The following ABCA6 variants were observed in gnomAD, a reference collection of about 807,000 sequenced individuals.
The protein encoded by ABCA6 is ATP-binding cassette sub-family A member 6.
In ABCA6, 164 loss-of-function variants were observed where a neutral mutation model predicts 191.2. That is an observed-to-expected ratio of 0.86 (90% CI 0.76 to 0.98). The LOEUF (loss-of-function observed/expected upper bound fraction) is 0.98, where lower values mean the gene tolerates loss of function less well. Ranked by LOEUF, ABCA6 falls within the 50% of genes least tolerant of loss-of-function variation. The pLI, the probability that ABCA6 is intolerant of heterozygous loss-of-function variation, is 0.00. For missense variants in ABCA6, 1,958 were observed against 1,894.1 expected, an observed-to-expected ratio of 1.03 and a Z score of -0.63; for synonymous variants, 636 against 647.7, an observed-to-expected ratio of 0.98 and a Z score of 0.27.
At chr17:69,132,226 A>G (rs1223529736) in intron 6 of ABCA6, among the ~76,000 whole-genome samples, 1 of 152,140 alleles carries the variant, frequency 6.6e-6, no homozygotes, top group Non-Finnish European at 1.5e-5. Context: ...AAAACCATAA[A>G]GAGTATTTGC....
intron 6 of ABCA6, among the ~76,000 whole-genome samples, chr17:69,132,470 G>A (rs1248302208): frequency 6.6e-6 from 1 of 151,874 alleles, no homozygotes; most frequent in Non-Finnish European, 1.5e-5. Context: ...GTTTTTGTTT[G>A]TTTGGTTTTG....
At chr17:69,084,545 A>G in intron 32 of ABCA6, 38 bp from the exon 33 acceptor site, 1 of 1,603,484 alleles carries the variant, frequency 6.2e-7, no homozygotes, top group Non-Finnish European at 8.5e-7. Context: ...GGTCAAGACA[A>G]GGTTTTTGGA....
chr17:69,114,967 C>G (rs1177797982), intron 12 of ABCA6, 30 bp from the exon 13 acceptor site: 1 of 1,480,788 alleles, frequency 6.8e-7, no homozygotes, highest in East Asian at 2.3e-5. Context: ...ATAAAATTGG[C>G]AAGATAATAC....
chr17:69,092,300 T>C (rs1750066633), intron 25 of ABCA6, among the ~76,000 whole-genome samples: 1 of 152,228 alleles, frequency 6.6e-6, no homozygotes, highest in African/African-American at 2.4e-5. Flanking sequence ...GTTTTAATAA[T>C]CTAGCATGAA....
At chr17:69,124,611 A>T (rs1176433526) in intron 9 of ABCA6, among the ~76,000 whole-genome samples, 1 of 151,918 alleles carries the variant, frequency 6.6e-6, no homozygotes, top group Non-Finnish European at 1.5e-5. Context: ...GGGATCCATG[A>T]AAACCTAACA....
At position 69,134,744 on chromosome 17, in the gene ABCA6, T is replaced by C; in HGVS notation, c.461-2A>G. The C allele has an allele frequency of 6.2e-7, 1 of 1,605,646 alleles. No individual in the cohort carries two copies. The highest frequency in any genetic ancestry group is 8.5e-7 in the Non-Finnish European group (1 of 1,173,212). On this transcript the variant is annotated splice_acceptor_variant, in intron 4 of 38. Transcript: ENST00000284425. LOFTEE classifies it high-confidence loss of function. ...CACCATATCCATCCCAGCAATGAGCTGTAAGCACAAAGAAAAGCACAGCCA... is the reference window on the plus strand; with the variant it reads ...CACCATATCCATCCCAGCAATGAGCCGTAAGCACAAAGAAAAGCACAGCCA...
chr17:69,081,161 TGTC>T lies in ABCA6; in HGVS notation c.4617-19_4617-17del. On this transcript the variant is annotated splice_polypyrimidine_tract_variant and intron_variant, in intron 36 of 38. Transcript: ENST00000284425. The stretch of plus-strand genomic sequence containing the variant: ...AGAGGAATACCTGAAAACAGGAAGA[TGTC>T]GTTTTCAGCTCTGAGTTTCAAGGGG... 6.6e-7 allele frequency: 1 copy of T among 1,509,556 alleles called. No individual in the cohort carries two copies. The highest frequency in any genetic ancestry group is 1.2e-5 in the South Asian group (1 of 80,412). 93.5% of individuals were successfully genotyped at this position (1,509,556 alleles called of 1,614,324 possible).
chr17:69,099,966 T>A (rs1252045349), intron 22 of ABCA6, among the ~76,000 whole-genome samples: 1 of 152,208 alleles, frequency 6.6e-6, no homozygotes, highest in East Asian at 1.9e-4. Flanking sequence ...TGCTTCTTGA[T>A]GTTTCAGACT....
rs771243934 is a variant in ABCA6, at chr17:69,106,206, C to T, written c.2395G>A (p.Glu799Lys). 3.9e-5 allele frequency: 62 copies of T among 1,610,212 alleles called. No homozygotes were observed. The highest frequency in any genetic ancestry group is 3.9e-5 in the Non-Finnish European group (46 of 1,178,628). ...EGQSTIEQDF[E>K]QVEMIRDSES... ...GAGTCTCTTATCATCTCCACTTGTT[C>T]GAAATCTATAAACACACACATACAC... The change falls in exon 19 of 39, where the codon GAA (glutamate) becomes AAA (lysine). Residue 799 changes from glutamate to lysine, a missense_variant. By Grantham distance (56) the Glu-to-Lys change is moderately conservative (BLOSUM62 1). Transcript: ENST00000284425.
chr17:69,133,747 G>A lies in ABCA6; in HGVS notation c.685C>T (p.Leu229Phe), dbSNP rs200179122. The A allele has an allele frequency of 3.8e-5, 61 of 1,611,110 alleles. No homozygotes were observed. The African/African-American group carries it at 7.1e-4, about 19-fold the overall frequency. Reference sequence around the variant, plus strand: ...AAATATACAAGTGGGGAGAAATGAAGCAAGAAGAATAAAATAAACATCTCA... The same window carrying A: ...AAATATACAAGTGGGGAGAAATGAAACAAGAAGAATAAAATAAACATCTCA... ...HNEMFILFFLLHFSPLVYFIS... is the reference protein window; with the variant it reads ...HNEMFILFFLFHFSPLVYFIS... The change falls in exon 6 of 39, where the codon CTT becomes TTT. Residue 229 changes from leucine (L) to phenylalanine (F), a missense_variant. Physicochemically the swap from Leu to Phe is conservative, Grantham distance 22. Coordinates refer to ENST00000284425, the MANE Select transcript of ABCA6 (RefSeq NM_080284.3).
At chr17:69,082,744 C>T in intron 36 of ABCA6, 129 bp downstream of exon 36, 1 of 1,375,300 alleles carries the variant, frequency 7.3e-7, no homozygotes, top group Non-Finnish European at 9.9e-7. Flanking sequence ...GAATACTGAA[C>T]AAATCCTTTT....
rs1315985495 is a variant in ABCA6, at chr17:69,086,633, AAG to A, written c.3920_3921del (p.Ser1307PhefsTer7). The A allele has an allele frequency of 2.2e-5, 36 of 1,610,368 alleles. No homozygotes were observed. Among genetic ancestry groups the A allele is most frequent in the Non-Finnish European group, 3.0e-5 (35 of 1,177,230 alleles). On this transcript the variant is annotated frameshift_variant, in exon 30 of 39. Transcript: ENST00000284425. LOFTEE classifies it high-confidence loss of function. Reference sequence around the variant, plus strand: ...TATTACAGACCTTCTTGAACACAGAAAGAGATATTTCTTGCTGCTATTTTCTT... The same window carrying A: ...TATTACAGACCTTCTTGAACACAGAAAGATATTTCTTGCTGCTATTTTCTT... ...RKKKIAARNI[S>X]FCVQEGEILG...
chr17:69,134,024 G>T (rs1316941371), intron 5 of ABCA6, among the ~76,000 whole-genome samples, 157 bp from the exon 6 acceptor site: 3 of 152,040 alleles, frequency 2.0e-5, no homozygotes, highest in Non-Finnish European at 4.4e-5. Context: ...CTGGATGAAG[G>T]GTACATGGAC....
At chr17:69,131,032 A>G (rs12940298) in intron 6 of ABCA6, among the ~76,000 whole-genome samples, 89,747 of 151,964 alleles carry the variant, frequency 0.59, 27,915 homozygotes, top group Admixed American at 0.7. Flanking sequence ...ATCTAACAAG[A>G]CTATAGAGTG....
intron 30 of ABCA6, 132 bp downstream of exon 30, chr17:69,086,486 A>ATATATATATATATAT: frequency 6.2e-6 from 1 of 161,182 alleles, no homozygotes; most frequent in East Asian, 2.2e-4. Context: ...TGGCACACTA[A>ATATATATATATATAT]ATATATATAT....
At chr17:69,116,975 T>G (rs1227975446) in intron 11 of ABCA6, among the ~76,000 whole-genome samples, 1 of 152,086 alleles carries the variant, frequency 6.6e-6, no homozygotes, top group Non-Finnish European at 1.5e-5. Context: ...AGTACAAAGG[T>G]AGTTCAAAAT....
At chr17:69,128,424 A>C (rs560415019) in intron 8 of ABCA6, among the ~76,000 whole-genome samples, 195 bp downstream of exon 8, 1 of 152,134 alleles carries the variant, frequency 6.6e-6, no homozygotes, top group East Asian at 1.9e-4. Context: ...GTAAAATCTG[A>C]AGGATTTTTT....
At chr17:69,086,567 G>A (rs779589447) in intron 30 of ABCA6, 51 bp downstream of exon 30, 22 of 1,215,988 alleles carry the variant, frequency 1.8e-5, no homozygotes, top group South Asian at 3.9e-5. Context: ...ATAGATGTTC[G>A]GTAGGTAGTT....
At chr17:69,086,551 T>A in intron 30 of ABCA6, 67 bp downstream of exon 30, 1 of 902,166 alleles carries the variant, frequency 1.1e-6, no homozygotes, top group Non-Finnish European at 1.7e-6. Context: ...AAACTGTGCC[T>A]ATGACATAGA....
Sources: allele counts gnomAD v4.1 joint callset (sites outside exome capture counted in the v4.1 genomes callset), GRCh38; gene constraint gnomAD v4.1.1; transcripts MANE v1.5; gene names NCBI Gene and HGNC (gene_info 2026-07-23, HGNC 2026-07-21).